ZFAND3: variants seen among roughly 807,000 people sequenced by gnomAD.
The protein encoded by ZFAND3 is AN1-type zinc finger protein 3.
ZFAND3 carries 10 observed loss-of-function variants against 29.6 expected under a neutral mutation model. That is an observed-to-expected ratio of 0.34 (90% CI 0.21 to 0.57). The LOEUF is 0.57. ZFAND3 is among the 20% of genes least tolerant of loss of function. ZFAND3 has a pLI of 0.86. For missense variants in ZFAND3, 230 were observed against 304.5 expected, an observed-to-expected ratio of 0.76 and a Z score of 1.82; for synonymous variants, 128 against 112.6, an observed-to-expected ratio of 1.14 and a Z score of -0.87.
At chr6:37,822,026 G>T (rs1230687037) in intron 1 of ZFAND3, among the ~76,000 whole-genome samples, 2 of 152,154 alleles carry the variant, frequency 1.3e-5, no homozygotes, top group Non-Finnish European at 2.9e-5. Flanking sequence ...GGAGAGACGG[G>T]ATTTTGCCAT....
intron 1 of ZFAND3, among the ~76,000 whole-genome samples, chr6:37,896,682 C>G (rs12191695): frequency 4.9e-5 from 7 of 142,358 alleles, no homozygotes; most frequent in African/African-American, 2.6e-5. Context: ...GTGTGTGTGT[C>G]TGTGTGTGTG....
chr6:38,032,013 G>C (rs933485839), intron 2 of ZFAND3, among the ~76,000 whole-genome samples: 45 of 151,968 alleles, frequency 3.0e-4, no homozygotes, highest in African/African-American at 9.9e-4. Flanking sequence ...TGGATTTTTA[G>C]TATAGATGAG....
chr6:38,063,780 A>G (rs1307776101), intron 3 of ZFAND3, among the ~76,000 whole-genome samples: 1 of 152,238 alleles, frequency 6.6e-6, no homozygotes, highest in Admixed American at 6.5e-5. Flanking sequence ...GACTTGAGAC[A>G]GTAGCCATGT....
chr6:38,061,761 C>T lies in ZFAND3; in HGVS notation c.281C>T (p.Pro94Leu), dbSNP rs369235679. ...PLPTELNVTSPSKEECGPCTD... is the reference protein window; with the variant it reads ...PLPTELNVTSLSKEECGPCTD... ...CCGACAGAACTGAATGTAACTTCAC[C>T]GAGTAAAGAGGAGTGTAAGTGTCTG... The change falls in exon 3 of 6, where the codon CCG (proline) becomes CTG (leucine). Residue 94 changes from proline (P) to leucine (L), a missense_variant. Transcript: ENST00000287218. 1.9e-5 allele frequency: 30 copies of T among 1,613,908 alleles called. No homozygotes were observed. The highest frequency in any genetic ancestry group is 5.5e-5 in the South Asian group (5 of 91,076).
At chr6:38,037,441 T>C (rs1398771330) in intron 2 of ZFAND3, among the ~76,000 whole-genome samples, 1 of 152,222 alleles carries the variant, frequency 6.6e-6, no homozygotes, top group Non-Finnish European at 1.5e-5. Context: ...ACAAGCATTA[T>C]AATCACCAAT....
intron 1 of ZFAND3, among the ~76,000 whole-genome samples, chr6:37,907,319 A>G (rs1454332056): frequency 6.6e-6 from 1 of 152,214 alleles, no homozygotes; most frequent in African/African-American, 2.4e-5. Flanking sequence ...ACAGCATTGT[A>G]CCACAGTTAA....
chr6:38,124,681 G>A (rs1765599887), intron 5 of ZFAND3, among the ~76,000 whole-genome samples: 1 of 152,172 alleles, frequency 6.6e-6, no homozygotes, highest in Non-Finnish European at 1.5e-5. Flanking sequence ...CGCAGCCCAG[G>A]TTCCTGCCCG....
chr6:37,909,066 C>G (rs1765469955), intron 1 of ZFAND3, among the ~76,000 whole-genome samples: 1 of 152,094 alleles, frequency 6.6e-6, no homozygotes, highest in African/African-American at 2.4e-5. Context: ...TTATGCTTAA[C>G]TCTTTCAGAG....
chr6:37,959,014 C>T (rs1762150284), intron 2 of ZFAND3, among the ~76,000 whole-genome samples: 1 of 152,204 alleles, frequency 6.6e-6, no homozygotes, highest in Admixed American at 6.5e-5. Flanking sequence ...GGTCATTACC[C>T]ATTTGTTGGC....
intron 2 of ZFAND3, among the ~76,000 whole-genome samples, chr6:37,972,735 A>C (rs935483272): frequency 7.1e-6 from 1 of 140,658 alleles, no homozygotes; most frequent in African/African-American, 2.6e-5. Flanking sequence ...GTAAGATTTT[A>C]TTTTGGCTGA....
chr6:37,832,359 A>G (rs1445109579), intron 1 of ZFAND3, among the ~76,000 whole-genome samples: 1 of 152,182 alleles, frequency 6.6e-6, no homozygotes, highest in Non-Finnish European at 1.5e-5. Context: ...CGGTGGGTGT[A>G]GAAGTTCTTT....
At chr6:37,945,193 T>G (rs1398310345) in intron 2 of ZFAND3, among the ~76,000 whole-genome samples, 2 of 152,218 alleles carry the variant, frequency 1.3e-5, no homozygotes, top group East Asian at 3.8e-4. Flanking sequence ...CAGGGTCTTC[T>G]TGGCTCCTAG....
intron 2 of ZFAND3, among the ~76,000 whole-genome samples, chr6:37,991,378 A>G (rs183240813): frequency 1.3e-5 from 2 of 151,806 alleles, no homozygotes; most frequent in East Asian, 3.9e-4. Context: ...TTTGAGACCT[A>G]GTTTCACTCT....
chr6:37,968,073 A>G (rs1426690368), intron 2 of ZFAND3, among the ~76,000 whole-genome samples: 1 of 152,216 alleles, frequency 6.6e-6, no homozygotes, highest in Non-Finnish European at 1.5e-5. Flanking sequence ...GAACTGAAAA[A>G]TAACATTTCC....
At chr6:38,113,631 G>A (rs1765361506) in intron 4 of ZFAND3, among the ~76,000 whole-genome samples, 1 of 152,110 alleles carries the variant, frequency 6.6e-6, no homozygotes, top group Non-Finnish European at 1.5e-5. Flanking sequence ...TGGGTTGTTT[G>A]GTGATGACTA....
intron 3 of ZFAND3, among the ~76,000 whole-genome samples, chr6:38,072,262 C>T (rs1246206129): frequency 6.6e-6 from 1 of 152,096 alleles, no homozygotes; most frequent in Non-Finnish European, 1.5e-5. Context: ...CTTGAAGATT[C>T]CCACTTGCAA....
chr6:38,152,353 G>A lies in ZFAND3; in HGVS notation c.648G>A (p.Gly216=). The change falls in exon 6 of 6, where the codon GGG becomes GGA. Residue 216 remains glycine (G), a synonymous_variant. Coordinates refer to ENST00000287218, the MANE Select transcript of ZFAND3 (RefSeq NM_021943.3). ...TGGTGAAGCTGGACCGGAAAGTGGG[G>A]CGCTCCTGCCAGCGCATCGGGGAGG... ...MKMVKLDRKV[G]RSCQRIGEGC... 1 of 1,608,262 alleles carries A rather than the reference G, an allele frequency of 6.2e-7. No individual in the cohort carries two copies. Among genetic ancestry groups the A allele is most frequent in the Non-Finnish European group, 8.5e-7 (1 of 1,177,444 alleles).
chr6:37,886,222 A>G (rs763605931), intron 1 of ZFAND3, among the ~76,000 whole-genome samples: 4 of 120,214 alleles, frequency 3.3e-5, no homozygotes, highest in African/African-American at 6.5e-5. Flanking sequence ...TAGGCTACAG[A>G]GCGAGACTCT....
At position 38,097,918 on chromosome 6, in the gene ZFAND3, G is replaced by A. The variant is rs112503107; in HGVS notation, c.361+15461G>A. On this transcript the variant is annotated intron_variant, in intron 4 of 5. Coordinates refer to ENST00000287218, the MANE Select transcript of ZFAND3 (RefSeq NM_021943.3). ...GTCAGTGGAGATAGGGAAGGAGGGA[G>A]AGCCATAGCAGCCCTTGTTTGAACA... Among the ~76,000 whole-genome samples the A allele has an allele frequency of 4.2e-4, 64 of 152,246 alleles. 1 individual carries two copies. Among genetic ancestry groups the A allele is most frequent in the African/African-American group, 7.9e-4 (33 of 41,538 alleles).
Sources: allele counts gnomAD v4.1 joint callset (sites outside exome capture counted in the v4.1 genomes callset), GRCh38; gene constraint gnomAD v4.1.1; transcripts MANE v1.5; gene names NCBI Gene and HGNC (gene_info 2026-07-23, HGNC 2026-07-21).